Variants in WDR86 observed in about 807,000 individuals in gnomAD.
WDR86 encodes the protein WD repeat-containing protein 86.
In WDR86, 30 loss-of-function variants were observed where a neutral mutation model predicts 36.5. The ratio of observed to expected loss-of-function variants is 0.82; its 90% CI spans 0.61 to 1.11. WDR86 has a LOEUF of 1.11. Ranked by LOEUF, WDR86 falls within the 50% of genes most tolerant of loss-of-function variation. The pLI is 0.00. For missense variants in WDR86, 545 were observed against 561.2 expected, an observed-to-expected ratio of 0.97 and a Z score of 0.29; for synonymous variants, 255 against 252.9, an observed-to-expected ratio of 1.01 and a Z score of -0.08.
rs574711875 is a variant in WDR86, at chr7:151,390,917, C to A, written c.726+4859G>T. Reference sequence around the variant, plus strand: ...GCGGGGAGTCAGTGTTTAATGGGGACAGAGTTCTGATTTGGGCTGATGGAA... The same window carrying A: ...GCGGGGAGTCAGTGTTTAATGGGGAAAGAGTTCTGATTTGGGCTGATGGAA... On this transcript the variant is annotated intron_variant, in intron 3 of 5. Coordinates refer to ENST00000334493, the MANE Select transcript of WDR86 (RefSeq NM_198285.3). This position sits in a 1 kb window ranked among gnomAD's most constrained non-coding sequence, Gnocchi z 4.5. 3.3e-5 allele frequency among the ~76,000 whole-genome samples: 5 copies of A among 152,312 alleles called. No individual in the cohort carries two copies. In the South Asian group the frequency reaches 1.0e-3, roughly 32 times the overall value.
chr7:151,408,781 A>C (rs1368852914), intron 1 of WDR86: 1 of 418,182 alleles, frequency 2.4e-6, no homozygotes, highest in Non-Finnish European at 5.0e-6. Flanking sequence ...CTGAGTGAGT[A>C]CAGGGCACAA....
At chr7:151,387,564 G>A (rs1283658871) in intron 3 of WDR86, among the ~76,000 whole-genome samples, 1 of 152,042 alleles carries the variant, frequency 6.6e-6, no homozygotes, top group Non-Finnish European at 1.5e-5. Context: ...TCGCAGCCAC[G>A]GCGGCTCTGA....
chr7:151,399,448 C>G (rs550858697), intron 2 of WDR86, among the ~76,000 whole-genome samples: 1 of 152,220 alleles, frequency 6.6e-6, no homozygotes, highest in Non-Finnish European at 1.5e-5. Context: ...CCAGGCAGCG[C>G]CCCTCCTCCA....
In WDR86 at chr7:151,381,730, A is replaced by ATCTCGGT; in HGVS notation, c.982_983insACCGAGA (p.Leu328HisfsTer137). 1 of 1,512,940 alleles carries ATCTCGGT rather than the reference A, an allele frequency of 6.6e-7. No individual in the cohort carries two copies. Among genetic ancestry groups the ATCTCGGT allele is most frequent in the African/African-American group, 1.4e-5 (1 of 70,740 alleles). 93.7% of individuals were successfully genotyped at this position (1,512,940 alleles called of 1,614,324 possible). A position where few individuals can be genotyped will look rare whatever the true frequency, so the allele number is the denominator to read the frequency against. ...GGCGCCGTCGTGCGAGGCGGTGTAG[A>ATCTCGGT]GCACCTGGCCGTGCACCTGCGGGCG... On this transcript the variant is annotated frameshift_variant, in exon 6 of 6. Transcript: ENST00000334493. LOFTEE classifies it high-confidence loss of function. This position sits in a 1 kb window ranked among gnomAD's most constrained non-coding sequence, Gnocchi z 4.8.
rs1384183953 is a variant in WDR86 at position 151,406,738 on chromosome 7, A to C, written c.163+2689T>G. On this transcript the variant is annotated intron_variant, in intron 1 of 5. Transcript: ENST00000334493. This position sits in a 1 kb window ranked among gnomAD's most constrained non-coding sequence, Gnocchi z 4.4. ...ACCCACCCCATTATCGATGGTATCT[A>C]GAAAACAACAAGAATGCCGTGTATG... Among the ~76,000 whole-genome samples, 1 of 152,162 alleles carries C rather than the reference A, an allele frequency of 6.6e-6. No homozygotes were observed. The highest frequency in any genetic ancestry group is 1.5e-5 in the Non-Finnish European group (1 of 68,028).
Position 151,405,124 on chromosome 7 carries a change from C to G in WDR86, c.163+4303G>C, listed in dbSNP as rs940912037. ...AGCCTTCCTCTGCTCCCCAATCCCC[C>G]TCTTTTCCACCCTGCCACCGCCATC... is the stretch of plus-strand genomic sequence containing the variant. On this transcript the variant is annotated intron_variant, in intron 1 of 5. Transcript: ENST00000334493. The surrounding 1 kb of genome is among the most constrained non-coding windows in gnomAD (Gnocchi z 4.7). 6.6e-6 allele frequency among the ~76,000 whole-genome samples: 1 copy of G among 152,162 alleles called. No homozygotes were observed. Among genetic ancestry groups the G allele is most frequent in the African/African-American group, 2.4e-5 (1 of 41,438 alleles).
chr7:151,383,605 C>T (rs1447820028), intron 4 of WDR86, among the ~76,000 whole-genome samples: 15 of 152,174 alleles, frequency 9.9e-5, no homozygotes, highest in Admixed American at 8.5e-4. Context: ...GCATGAGCCA[C>T]GGTGCCCAGC....
At chr7:151,377,323 C>CAAG, downstream of WDR86, 1 of 762,088 alleles carries the variant, frequency 1.3e-6, no homozygotes, top group East Asian at 3.3e-5. Context: ...ATCTGAATTA[C>CAAG]AAGTCCTCTT....
chr7:151,391,244 A>G (rs189293272), intron 3 of WDR86, among the ~76,000 whole-genome samples: 4 of 152,358 alleles, frequency 2.6e-5, no homozygotes, highest in African/African-American at 9.6e-5. Context: ...AGGGGACGCC[A>G]TACCCAGAAG....
chr7:151,372,870 G>A (rs1798025889), downstream of WDR86, among the ~76,000 whole-genome samples: 1 of 152,154 alleles, frequency 6.6e-6, no homozygotes, highest in Non-Finnish European at 1.5e-5. Flanking sequence ...AGCTGAAGGG[G>A]AAGCAAAGGG....
chr7:151,402,070 A>AAAAAAATATATATATATATATAT, intron 1 of WDR86, among the ~76,000 whole-genome samples: 32 of 50,464 alleles, frequency 6.3e-4, no homozygotes, highest in South Asian at 9.7e-4. Context: ...AAAAAAAAAA[A>AAAAAAATATATATATATATATAT]ATATATATAT....
At chr7:151,374,240 G>A, downstream of WDR86, 2 of 1,553,654 alleles carry the variant, frequency 1.3e-6, 1 homozygote, top group South Asian at 2.4e-5. Flanking sequence ...ATGAGGCCCT[G>A]AAGGTAGCAG....
rs1015856954 is a variant in WDR86, at chr7:151,390,994, C to A, written c.726+4782G>T. On this transcript the variant is annotated intron_variant, in intron 3 of 5. Coordinates refer to ENST00000334493, the MANE Select transcript of WDR86 (RefSeq NM_198285.3). The surrounding 1 kb of genome is among the most constrained non-coding windows in gnomAD (Gnocchi z 4.5). ...TGCACAACACTGAACGTGCTTCACG[C>A]CCTGAGTAAATGCTGAAAATGGTTT... is the stretch of plus-strand genomic sequence containing the variant. Among the ~76,000 whole-genome samples the A allele has an allele frequency of 6.6e-6, 1 of 152,226 alleles. No individual in the cohort carries two copies. Among genetic ancestry groups the A allele is most frequent in the Non-Finnish European group, 1.5e-5 (1 of 68,044 alleles).
In WDR86 at chr7:151,405,575, C is replaced by T. The variant is rs927946096; in HGVS notation, c.163+3852G>A. 1.3e-5 allele frequency among the ~76,000 whole-genome samples: 2 copies of T among 152,188 alleles called. No individual in the cohort carries two copies. Among genetic ancestry groups the T allele is most frequent in the Non-Finnish European group, 1.5e-5 (1 of 68,038 alleles). Reference sequence around the variant, plus strand: ...ACAGCGTGGCTGGAATGGACACTGACGTGGCCACCAGAGACTTGTAGCAAA... The same window carrying T: ...ACAGCGTGGCTGGAATGGACACTGATGTGGCCACCAGAGACTTGTAGCAAA... On this transcript the variant is annotated intron_variant, in intron 1 of 5. Coordinates refer to ENST00000334493, the MANE Select transcript of WDR86 (RefSeq NM_198285.3). This position sits in a 1 kb window ranked among gnomAD's most constrained non-coding sequence, Gnocchi z 4.7.
At chr7:151,375,190 CT>C (rs749340809), downstream of WDR86, among the ~76,000 whole-genome samples, 11 of 152,180 alleles carry the variant, frequency 7.2e-5, no homozygotes, top group Non-Finnish European at 1.5e-4. Context: ...ACTTTTGTAA[CT>C]ATGTACATGT....
intron 1 of WDR86, among the ~76,000 whole-genome samples, chr7:151,402,531 A>T (rs377285638): frequency 1.3e-5 from 2 of 152,278 alleles, no homozygotes; most frequent in East Asian, 3.9e-4. Context: ...GGCTCGGGAG[A>T]GAAGCCTGAG....
downstream of WDR86, among the ~76,000 whole-genome samples, chr7:151,375,531 A>C (rs1427287500): frequency 6.6e-6 from 1 of 152,196 alleles, no homozygotes; most frequent in Admixed American, 6.5e-5. Context: ...GGCAGCCCTG[A>C]GCTGCTTGAG....
chr7:151,409,662 G>T lies in WDR86; in HGVS notation c.-73C>A. The T allele has an allele frequency of 2.3e-6, 3 of 1,312,960 alleles. No homozygotes were observed. The highest frequency in any genetic ancestry group is 2.9e-6 in the Non-Finnish European group (3 of 1,034,994). The allele number at this position is 1,312,960 out of a possible 1,614,324, so 81.3% of individuals were successfully genotyped here. Reference sequence around the variant, plus strand: ...GGGGCGCCCCGGGGTCCGCGCGGCGGCTCCGTACGACTGCGGCCCGCGGCC... The same window carrying T: ...GGGGCGCCCCGGGGTCCGCGCGGCGTCTCCGTACGACTGCGGCCCGCGGCC... On this transcript the variant is annotated 5_prime_UTR_variant, in exon 1 of 6. Coordinates refer to ENST00000334493, the MANE Select transcript of WDR86 (RefSeq NM_198285.3). This position sits in a 1 kb window ranked among gnomAD's most constrained non-coding sequence, Gnocchi z 5.2.
At chr7:151,374,966 C>T (rs1032245526), downstream of WDR86, among the ~76,000 whole-genome samples, 9 of 134,446 alleles carry the variant, frequency 6.7e-5, no homozygotes, top group East Asian at 5.0e-4. Flanking sequence ...GGCAGCGCGG[C>T]GGGCAGGAAG....
Sources: allele counts gnomAD v4.1 joint callset (sites outside exome capture counted in the v4.1 genomes callset), GRCh38; gene constraint gnomAD v4.1.1; non-coding constraint Gnocchi (gnomAD v3.1); transcripts MANE v1.5; gene names NCBI Gene and HGNC (gene_info 2026-07-23, HGNC 2026-07-21).